Variants in TRIQK observed in about 807,000 individuals in gnomAD.
The protein encoded by TRIQK is triple QxxK/R motif-containing protein.
TRIQK carries 10 observed loss-of-function variants against 10.8 expected under a neutral mutation model. The ratio of observed to expected loss-of-function variants is 0.92; its 90% CI spans 0.57 to 1.57. The LOEUF (loss-of-function observed/expected upper bound fraction) is 1.57. TRIQK is among the 40% of genes most tolerant of loss of function. TRIQK has a pLI of 0.00. For missense variants in TRIQK, 107 were observed against 97.7 expected (o/e 1.09, Z -0.40); for synonymous variants, 33 against 33.7 (o/e 0.98, Z 0.07).
At chr8:92,945,643 T>G (rs972622543) in intron 2 of TRIQK, among the ~76,000 whole-genome samples, 2 of 152,212 alleles carry the variant, frequency 1.3e-5, no homozygotes, top group Non-Finnish European at 2.9e-5. Flanking sequence ...CTTACATTTG[T>G]TTTTTCCTCC....
intron 3 of TRIQK, among the ~76,000 whole-genome samples, chr8:92,896,879 T>C (rs9642918): frequency 0.73 from 110,465 of 151,074 alleles, 40,666 homozygotes; most frequent in Middle Eastern, 0.82. Flanking sequence ...TGCAATGGCA[T>C]GATCCTGGCT....
chr8:92,962,826 T>A (rs1030201526), intron 1 of TRIQK, among the ~76,000 whole-genome samples: 12 of 152,336 alleles, frequency 7.9e-5, no homozygotes, highest in South Asian at 4.1e-4. Context: ...AGTAAGCGTA[T>A]CTGTTCCGCA....
chr8:92,998,992 C>G (rs1813181824), intron 1 of TRIQK, among the ~76,000 whole-genome samples: 1 of 152,050 alleles, frequency 6.6e-6, no homozygotes, highest in South Asian at 2.1e-4. Flanking sequence ...GTAGGACTAT[C>G]AGATTCTAAG....
At chr8:92,991,095 G>C (rs1277620429) in intron 1 of TRIQK, among the ~76,000 whole-genome samples, 3 of 152,158 alleles carry the variant, frequency 2.0e-5, no homozygotes, top group African/African-American at 7.2e-5. Context: ...ACTAAGGCTT[G>C]AGTAGGCAGT....
In TRIQK at chr8:92,964,316, T is replaced by C. The variant is rs570194442; in HGVS notation, c.-181+1691A>G. On this transcript the variant is annotated intron_variant, in intron 1 of 4. Coordinates refer to ENST00000521988, the MANE Select transcript of TRIQK (RefSeq NM_001171797.2). ...CTAAAGAAGTTGAACAAAAACAGGG[T>C]CCATTTAGGCTTAAAATTGTGCATT... Among the ~76,000 whole-genome samples, 24 of 152,064 alleles carry C rather than the reference T, an allele frequency of 1.6e-4. No homozygotes were observed. The East Asian group carries it at 4.5e-3, about 28-fold the overall frequency.
intron 1 of TRIQK, among the ~76,000 whole-genome samples, chr8:92,986,390 A>G (rs1043103829): frequency 6.6e-6 from 1 of 152,196 alleles, no homozygotes; most frequent in African/African-American, 2.4e-5. Context: ...GACAAAATGC[A>G]ACCATTTGGG....
rs559863432 is a variant in TRIQK at position 92,940,947 on chromosome 8, T to C, written c.-22+13459A>G. On this transcript the variant is annotated intron_variant, in intron 2 of 4. Transcript: ENST00000521988. Reference sequence around the variant, plus strand: ...AAGTATCTTTCTGACCACAATGGTATAAAACTAGAAATCAATAACAAGAAG... The same window carrying C: ...AAGTATCTTTCTGACCACAATGGTACAAAACTAGAAATCAATAACAAGAAG... Among the ~76,000 whole-genome samples the C allele has an allele frequency of 6.6e-5, 10 of 152,286 alleles. No individual in the cohort carries two copies. In the East Asian group the frequency reaches 1.9e-3, roughly 29 times the overall value.
chr8:92,966,387 C>T (rs541862873), upstream of TRIQK, among the ~76,000 whole-genome samples: 21 of 152,154 alleles, frequency 1.4e-4, no homozygotes, highest in African/African-American at 4.8e-4. Context: ...ATTATTGAAC[C>T]CTCCCATCTC....
At chr8:92,927,006 ATGCCAC>A (rs1810479197) in intron 2 of TRIQK, among the ~76,000 whole-genome samples, 1 of 152,132 alleles carries the variant, frequency 6.6e-6, no homozygotes, top group Admixed American at 6.6e-5. Context: ...AGCTCTGATC[ATGCCAC>A]TGCACTCCAG....
At chr8:92,914,845 T>C (rs549665508) in intron 3 of TRIQK, among the ~76,000 whole-genome samples, 1 of 152,262 alleles carries the variant, frequency 6.6e-6, no homozygotes, top group South Asian at 2.1e-4. Context: ...AACTACTATA[T>C]GACCCAGCAA....
chr8:92,959,574 C>T (rs566432278), intron 1 of TRIQK, among the ~76,000 whole-genome samples: 128 of 151,252 alleles, frequency 8.5e-4, no homozygotes, highest in African/African-American at 2.9e-3. Flanking sequence ...CTGGTATCTT[C>T]GGGTCTTTTT....
At chr8:92,952,785 A>G (rs1255786085) in intron 2 of TRIQK, among the ~76,000 whole-genome samples, 3 of 152,180 alleles carry the variant, frequency 2.0e-5, no homozygotes, top group Non-Finnish European at 4.4e-5. Flanking sequence ...ATAGAAGGCA[A>G]TACTGCACTT....
intron 3 of TRIQK, among the ~76,000 whole-genome samples, chr8:92,898,833 G>GTGTATATATATATATA (rs1256723943): frequency 6.8e-5 from 5 of 73,918 alleles, no homozygotes; most frequent in African/African-American, 1.1e-4. Flanking sequence ...GTGTGTGTGT[G>GTGTATATATATATATA]TATATATATA....
In TRIQK at chr8:92,971,415, G is replaced by C. The variant is rs186435039; in HGVS notation, c.-180-16851C>G. On this transcript the variant is annotated intron_variant, in intron 1 of 4. Transcript: ENST00000520686. The stretch of plus-strand genomic sequence containing the variant: ...AAAACCCCATTGTCTCAGCCCAAAA[G>C]CTTCTTAAGCTGCTAAACAACATCA... Among the ~76,000 whole-genome samples the C allele has an allele frequency of 1.8e-3, 280 of 152,182 alleles. 1 individual carries two copies. Among genetic ancestry groups the C allele is most frequent in the Middle Eastern group, 3.4e-3 (1 of 294 alleles).
intron 1 of TRIQK, among the ~76,000 whole-genome samples, chr8:93,007,582 G>T (rs1409252976): frequency 2.0e-5 from 3 of 152,156 alleles, no homozygotes; most frequent in Admixed American, 6.6e-5. Context: ...AAACTTTGCT[G>T]AGTTAAAGGA....
intron 1 of TRIQK, among the ~76,000 whole-genome samples, chr8:92,979,284 G>C (rs145036725): frequency 1.3e-5 from 2 of 152,210 alleles, no homozygotes; most frequent in East Asian, 3.9e-4. Flanking sequence ...GTCAGATCAC[G>C]TTATAGAAGA....
At chr8:92,958,894 CCTCTGCGGCAATTACACAA>C (rs1201570492) in intron 1 of TRIQK, among the ~76,000 whole-genome samples, 1 of 152,052 alleles carries the variant, frequency 6.6e-6, no homozygotes, top group Non-Finnish European at 1.5e-5. Context: ...CTCATGTGCA[CCTCTGCGGCAATTACACAA>C]CTCTGCTGTA....
chr8:92,917,783 T>C (rs1442652497), intron 2 of TRIQK, among the ~76,000 whole-genome samples: 1 of 152,036 alleles, frequency 6.6e-6, no homozygotes, highest in Non-Finnish European at 1.5e-5. Flanking sequence ...TAAATTATTG[T>C]TAATCATAAT....
chr8:92,921,635 C>T (rs1810193908), intron 2 of TRIQK: 1 of 151,778 alleles, frequency 6.6e-6, no homozygotes, highest in African/African-American at 2.4e-5. Flanking sequence ...AGCTATCCAA[C>T]CAACTTGTTT....
Sources: allele counts gnomAD v4.1 joint callset (sites outside exome capture counted in the v4.1 genomes callset), GRCh38; gene constraint gnomAD v4.1.1; transcripts MANE v1.5; gene names NCBI Gene and HGNC (gene_info 2026-07-23, HGNC 2026-07-21).